The following DDX42 variants were observed in gnomAD, a reference collection of about 807,000 sequenced individuals.
The protein encoded by DDX42 is DEAD-box helicase 42.
In DDX42, 22 loss-of-function variants were observed where a neutral mutation model predicts 101.5. The ratio of observed to expected loss-of-function variants is 0.22; its 90% confidence interval spans 0.15 to 0.31. The LOEUF (loss-of-function observed/expected upper bound fraction) is 0.31, where lower values mean the gene tolerates loss of function less well. DDX42 is among the 10% of genes least tolerant of loss of function. The pLI is 1.00. For missense variants in DDX42, 849 were observed against 1,199.9 expected, an observed-to-expected ratio of 0.71 and a Z score of 4.32; for synonymous variants, 402 against 401.2, an observed-to-expected ratio of 1.00 and a Z score of -0.02.
chr17:63,807,208 T>G (rs1188989380), intron 8 of DDX42, among the ~76,000 whole-genome samples: 1 of 152,232 alleles, frequency 6.6e-6, no homozygotes, highest in African/African-American at 2.4e-5. Context: ...TGGCGCGATC[T>G]TGGCTCACTG....
intron 1 of DDX42, among the ~76,000 whole-genome samples, chr17:63,777,933 G>A (rs1447600778): frequency 1.3e-5 from 2 of 152,170 alleles, no homozygotes; most frequent in Non-Finnish European, 2.9e-5. Context: ...AACTGAGTAC[G>A]TGTGGAGAGA....
chr17:63,794,123 T>C (rs2039663049), intron 3 of DDX42, among the ~76,000 whole-genome samples: 1 of 152,200 alleles, frequency 6.6e-6, no homozygotes, highest in Non-Finnish European at 1.5e-5. Flanking sequence ...GTAGCCATCC[T>C]ACTTTACACT....
chr17:63,802,260 A>G (rs2039780153), intron 6 of DDX42, among the ~76,000 whole-genome samples: 1 of 152,244 alleles, frequency 6.6e-6, no homozygotes, highest in Non-Finnish European at 1.5e-5. Flanking sequence ...CCCTTGAGCT[A>G]CATGTCTTTT....
rs536320562 is a variant in DDX42 at position 63,794,597 on chromosome 17, A to G, written c.372+2035A>G. Among the ~76,000 whole-genome samples, 4 of 151,832 alleles carry G rather than the reference A, an allele frequency of 2.6e-5. No individual in the cohort carries two copies. In the South Asian group the frequency reaches 6.3e-4, roughly 24 times the overall value. ...TATTTTGCAGGGCCAAGGTGGGAGA[A>G]TTGCTTGAGGTTGGGCAGCATAGTG... On this transcript the variant is annotated intron_variant, in intron 3 of 17. Transcript: ENST00000389924.
chr17:63,795,649 T>C (rs1385334217), intron 3 of DDX42, among the ~76,000 whole-genome samples: 1 of 152,184 alleles, frequency 6.6e-6, no homozygotes, highest in Non-Finnish European at 1.5e-5. Flanking sequence ...TAATTTTTCT[T>C]AGGGTGGAGA....
At chr17:63,799,425 T>C (rs1396224500) in intron 4 of DDX42, 164 bp from the exon 5 acceptor site, 3 of 599,906 alleles carry the variant, frequency 5.0e-6, no homozygotes, top group African/African-American at 1.8e-5. Context: ...GCTACACATA[T>C]ATATAATGGG....
At chr17:63,788,138 C>G (rs2039571662) in intron 2 of DDX42, among the ~76,000 whole-genome samples, 1 of 151,866 alleles carries the variant, frequency 6.6e-6, no homozygotes, top group African/African-American at 2.4e-5. Context: ...CTCCTGACCT[C>G]AGGTGAACTG....
At chr17:63,799,700 C>G (rs1389237912) in intron 5 of DDX42, 75 bp downstream of exon 5, 1 of 1,467,924 alleles carries the variant, frequency 6.8e-7, no homozygotes, top group African/African-American at 1.4e-5. Flanking sequence ...TAGAGCTTGC[C>G]TTCACTCAAA....
At chr17:63,794,691 C>G (rs573068050) in intron 3 of DDX42, among the ~76,000 whole-genome samples, 55 of 151,584 alleles carry the variant, frequency 3.6e-4, no homozygotes, top group African/African-American at 1.3e-3. Flanking sequence ...ATTTGTAATC[C>G]CAGCACTTTG....
chr17:63,802,305 G>A (rs1209305579), intron 6 of DDX42, among the ~76,000 whole-genome samples: 6 of 152,180 alleles, frequency 3.9e-5, no homozygotes, highest in Admixed American at 3.3e-4. Context: ...TACGCATAAA[G>A]CATTTCTGTT....
chr17:63,774,751 G>A (rs990100876), intron 1 of DDX42: 1 of 152,264 alleles, frequency 6.6e-6, no homozygotes, highest in African/African-American at 2.4e-5. Context: ...GCAGGCCTCC[G>A]AATTTGGGGT....
chr17:63,775,347 A>G (rs2039406929), intron 1 of DDX42, among the ~76,000 whole-genome samples: 1 of 152,190 alleles, frequency 6.6e-6, no homozygotes, highest in South Asian at 2.1e-4. Context: ...TCTAGGTGAT[A>G]GGGATAGGTG....
chr17:63,792,803 A>G (rs1018550091), intron 3 of DDX42, among the ~76,000 whole-genome samples: 6 of 152,222 alleles, frequency 3.9e-5, no homozygotes, highest in South Asian at 4.1e-4. Context: ...CTAGACGTAT[A>G]TGTGTGTATG....
chr17:63,797,312 A>G (rs575860142), intron 3 of DDX42, among the ~76,000 whole-genome samples: 2 of 141,184 alleles, frequency 1.4e-5, no homozygotes, highest in African/African-American at 2.7e-5. Flanking sequence ...AGATGGTGCC[A>G]TTGCACTCCA....
intron 6 of DDX42, among the ~76,000 whole-genome samples, chr17:63,801,837 G>A (rs543456103): frequency 5.3e-4 from 81 of 152,204 alleles, no homozygotes; most frequent in African/African-American, 1.8e-3. Flanking sequence ...TCACAGTGGA[G>A]CCAGTAATTA....
intron 2 of DDX42, among the ~76,000 whole-genome samples, chr17:63,790,993 T>G (rs915402083): frequency 1.3e-5 from 2 of 152,234 alleles, no homozygotes; most frequent in African/African-American, 4.8e-5. Flanking sequence ...ATAGTCAGTG[T>G]TACATTAGTG....
rs925255305 is a variant in DDX42 at position 63,783,637 on chromosome 17, G to A, written c.-16-3397G>A. On this transcript the variant is annotated intron_variant, in intron 1 of 17. Transcript: ENST00000389924. The stretch of plus-strand genomic sequence containing the variant: ...GAAAGACAGCAGGAGATGAAGTTCA[G>A]GTAAATTAGTACTTACTAAATACAT... Among the ~76,000 whole-genome samples the A allele has an allele frequency of 4.6e-5, 7 of 152,116 alleles. 1 individual carries two copies. Among genetic ancestry groups the A allele is most frequent in the Admixed American group, 3.9e-4 (6 of 15,270 alleles).
At chr17:63,774,736 G>GA (rs977354262) in intron 1 of DDX42, 2 of 152,254 alleles carry the variant, frequency 1.3e-5, no homozygotes, top group African/African-American at 4.8e-5. Context: ...CAGCGCTTGG[G>GA]AGATGCAGGC....
intron 3 of DDX42, among the ~76,000 whole-genome samples, chr17:63,793,372 A>G (rs1276164636): frequency 2.0e-5 from 3 of 151,526 alleles, no homozygotes; most frequent in African/African-American, 7.3e-5. Flanking sequence ...GGCTCAAATG[A>G]TCCTCCTGCC....
Sources: gnomAD v4.1 joint callset for allele counts (sites outside exome capture counted in the v4.1 genomes callset) on GRCh38, gnomAD v4.1.1 for gene constraint, MANE v1.5 for transcripts, NCBI Gene and HGNC (gene_info 2026-07-23, HGNC 2026-07-21) for gene names.